Variants in RIT2 observed in about 807,000 individuals in gnomAD.
The protein encoded by RIT2 is GTP-binding protein Rit2.
RIT2 carries 24 observed loss-of-function variants against 23.7 expected under a neutral mutation model. That is an observed-to-expected ratio of 1.01 (90% confidence interval 0.73 to 1.43). RIT2 has a LOEUF of 1.43. Ranked by LOEUF, RIT2 falls within the 40% of genes most tolerant of loss-of-function variation. The probability of loss-of-function intolerance (pLI) is 0.00; values close to 1 mark genes in which losing one functional copy is unlikely to be tolerated. For synonymous variants in RIT2, 107 were observed against 91.1 expected, an observed-to-expected ratio of 1.17 and a Z score of -0.99; for missense variants, 236 against 266.9, an observed-to-expected ratio of 0.88 and a Z score of 0.81.
intron 4 of RIT2, among the ~76,000 whole-genome samples, chr18:42,781,382 G>A (rs1281671881): frequency 6.6e-6 from 1 of 152,106 alleles, no homozygotes; most frequent in Non-Finnish European, 1.5e-5. Flanking sequence ...ATAATGCTAA[G>A]AAGAACAGAT....
At chr18:42,852,102 C>T (rs1206931104) in intron 4 of RIT2, among the ~76,000 whole-genome samples, 6 of 152,098 alleles carry the variant, frequency 3.9e-5, no homozygotes, top group South Asian at 2.1e-4. Context: ...CCTCAAGACT[C>T]GACCATAAAA....
At chr18:42,949,012 G>A in intron 3 of RIT2, 1 of 397,754 alleles carries the variant, frequency 2.5e-6, no homozygotes, top group Non-Finnish European at 4.4e-6. Flanking sequence ...ATTTCCCACA[G>A]CTCTACTTCC....
At chr18:42,920,826 C>G (rs1909037740) in intron 4 of RIT2, 2 of 1,044,044 alleles carry the variant, frequency 1.9e-6, no homozygotes, top group African/African-American at 3.1e-5. Flanking sequence ...TAAACAATAG[C>G]ACCAGTGTAA....
chr18:42,902,034 T>C (rs1044194931), intron 4 of RIT2, among the ~76,000 whole-genome samples: 1 of 151,916 alleles, frequency 6.6e-6, no homozygotes, highest in African/African-American at 2.4e-5. Context: ...TATAAAACAA[T>C]GTCACAAATC....
chr18:42,949,139 A>G (rs560524856), intron 3 of RIT2: 10 of 396,470 alleles, frequency 2.5e-5, no homozygotes, highest in Middle Eastern at 1.3e-3. Flanking sequence ...ATGGCTTCCA[A>G]GCCAAAAAGA....
At chr18:43,033,741 C>A in intron 2 of RIT2, 70 bp downstream of exon 2, 2 of 1,011,906 alleles carry the variant, frequency 2.0e-6, no homozygotes, top group Admixed American at 2.0e-5. Context: ...ATCAACATTG[C>A]TATTATTTTC....
At chr18:43,088,112 C>G (rs1913328860) in intron 1 of RIT2, among the ~76,000 whole-genome samples, 1 of 151,908 alleles carries the variant, frequency 6.6e-6, no homozygotes, top group Admixed American at 6.6e-5. Context: ...TCAGATGTCT[C>G]CTCTTTGAAA....
At chr18:42,894,931 T>C (rs1221123886) in intron 4 of RIT2, among the ~76,000 whole-genome samples, 2 of 152,192 alleles carry the variant, frequency 1.3e-5, no homozygotes, top group Non-Finnish European at 2.9e-5. Flanking sequence ...TCCAGGTAAA[T>C]ATGATGAACA....
At chr18:43,033,546 A>T (rs1911905791) in intron 2 of RIT2, among the ~76,000 whole-genome samples, 1 of 152,118 alleles carries the variant, frequency 6.6e-6, no homozygotes, top group African/African-American at 2.4e-5. Context: ...CCATTATTAG[A>T]TACTGAAATC....
At position 42,978,430 on chromosome 18, in the gene RIT2, C is replaced by G. The variant is rs116904692; in HGVS notation, c.161-4283G>C. On this transcript the variant is annotated intron_variant, in intron 2 of 4. Coordinates refer to ENST00000326695, the MANE Select transcript of RIT2 (RefSeq NM_002930.4). ...CATTTCCTCCCCATAAACAATCTTT[C>G]TGTTTCCATTCATTCACTCCCTTTG... Among the ~76,000 whole-genome samples, 1,376 of 151,998 alleles carry G rather than the reference C, an allele frequency of 9.1e-3. 13 individuals are homozygous for G. Among genetic ancestry groups the G allele is most frequent in the Middle Eastern group, 0.02 (6 of 294 alleles).
At chr18:43,114,353 C>T (rs1298896607) in intron 1 of RIT2, among the ~76,000 whole-genome samples, 2 of 152,112 alleles carry the variant, frequency 1.3e-5, no homozygotes, top group Non-Finnish European at 2.9e-5. Context: ...CCTTCCTCTT[C>T]CTTTACTGTT....
At chr18:43,033,216 T>G (rs1405258409) in intron 2 of RIT2, among the ~76,000 whole-genome samples, 1 of 152,116 alleles carries the variant, frequency 6.6e-6, no homozygotes, top group Non-Finnish European at 1.5e-5. Flanking sequence ...GGAGAAAACT[T>G]GTTCCCCAAT....
At chr18:43,013,059 T>C (rs1274294759) in intron 2 of RIT2, among the ~76,000 whole-genome samples, 2 of 151,824 alleles carry the variant, frequency 1.3e-5, no homozygotes, top group South Asian at 2.1e-4. Context: ...AGTAACCTGA[T>C]TCACCTTTTT....
At chr18:42,788,360 T>C (rs761167021) in intron 4 of RIT2, among the ~76,000 whole-genome samples, 1 of 152,192 alleles carries the variant, frequency 6.6e-6, no homozygotes, top group Non-Finnish European at 1.5e-5. Context: ...ACTACACCAA[T>C]ACTTGGCAAG....
intron 4 of RIT2, among the ~76,000 whole-genome samples, chr18:42,906,579 A>G (rs1908627664): frequency 6.6e-6 from 1 of 152,176 alleles, no homozygotes; most frequent in Admixed American, 6.6e-5. Context: ...TTTTGAAATT[A>G]TTGAATTCTA....
chr18:43,080,815 A>G (rs1913139907), intron 1 of RIT2, among the ~76,000 whole-genome samples: 1 of 152,074 alleles, frequency 6.6e-6, no homozygotes, highest in South Asian at 2.1e-4. Flanking sequence ...TCTAAGAACA[A>G]CTTTTATTCC....
At chr18:43,002,528 T>A (rs1911131158) in intron 2 of RIT2, among the ~76,000 whole-genome samples, 1 of 9,032 alleles carries the variant, frequency 1.1e-4, no homozygotes, top group East Asian at 0.17. Flanking sequence ...ATTACCACCC[T>A]CTACCTAAGC....
chr18:43,100,978 T>C (rs1913669577), intron 1 of RIT2, among the ~76,000 whole-genome samples: 1 of 152,068 alleles, frequency 6.6e-6, no homozygotes. Flanking sequence ...CACAGACATA[T>C]ATGTGTGTGT....
chr18:42,906,612 A>G (rs1374838184), intron 4 of RIT2, among the ~76,000 whole-genome samples: 1 of 152,130 alleles, frequency 6.6e-6, no homozygotes, highest in African/African-American at 2.4e-5. Flanking sequence ...CCTTCTATCC[A>G]GCTTCTGTCC....
Sources: allele counts gnomAD v4.1 joint callset (sites outside exome capture counted in the v4.1 genomes callset), GRCh38; gene constraint gnomAD v4.1.1; transcripts MANE v1.5; gene names NCBI Gene and HGNC (gene_info 2026-07-23, HGNC 2026-07-21).